Variants in ASB15 observed in about 807,000 individuals in gnomAD.
The protein encoded by ASB15 is ankyrin repeat and SOCS box protein 15.
Under a neutral mutation model 58.0 loss-of-function variants are expected in ASB15, and 54 were observed. The observed-to-expected ratio is 0.93, with a 90% CI of 0.75 to 1.17. The LOEUF (loss-of-function observed/expected upper bound fraction) is 1.17. ASB15 is among the 50% of genes most tolerant of loss of function. ASB15 has a pLI of 0.00. For synonymous variants in ASB15, 249 were observed against 262.4 expected (o/e 0.95, Z 0.50); for missense variants, 680 against 707.4 (o/e 0.96, Z 0.44).
At chr7:123,636,617 G>A (rs1718598021) in intron 11 of ASB15, among the ~76,000 whole-genome samples, 192 bp from the exon 12 acceptor site, 1 of 152,080 alleles carries the variant, frequency 6.6e-6, no homozygotes, top group African/African-American at 2.4e-5. Context: ...CTGCCCCCAT[G>A]GAGCTTACAT....
intron 2 of ASB15, among the ~76,000 whole-genome samples, chr7:123,606,032 T>C (rs1175046300): frequency 6.6e-6 from 1 of 152,170 alleles, no homozygotes; most frequent in Non-Finnish European, 1.5e-5. Flanking sequence ...TCTGGAGATA[T>C]TATTTTTATT....
intron 11 of ASB15, among the ~76,000 whole-genome samples, chr7:123,635,588 T>C (rs1802380116): frequency 6.9e-6 from 1 of 144,068 alleles, no homozygotes; most frequent in Non-Finnish European, 1.5e-5. Flanking sequence ...AATTGCTTTT[T>C]TTTTTTTTTT....
chr7:123,577,258 A>G (rs1392341770), intron 1 of ASB15, among the ~76,000 whole-genome samples: 1 of 152,038 alleles, frequency 6.6e-6, no homozygotes, highest in Non-Finnish European at 1.5e-5. Context: ...TTTGCATTTT[A>G]TTACAAAAAT....
chr7:123,629,954 CA>C lies in ASB15; in HGVS notation c.1441-10del, dbSNP rs1464646961. The C allele has an allele frequency of 6.5e-7, 1 of 1,539,350 alleles. No individual in the cohort carries two copies. On this transcript the variant is annotated splice_polypyrimidine_tract_variant and intron_variant, in intron 10 of 11. Coordinates refer to ENST00000451215, the MANE Select transcript of ASB15 (RefSeq NM_001290258.2). ...AAAATACTACTAAATTAAATTTTAT[CA>C]ATTCTCTCAGTTCTGTGAGTTTATT... is the stretch of plus-strand genomic sequence containing the variant.
At chr7:123,627,015 G>T in intron 8 of ASB15, 95 bp from the exon 9 acceptor site, 1 of 1,329,480 alleles carries the variant, frequency 7.5e-7, no homozygotes, top group East Asian at 2.3e-5. Context: ...TTACAGGTGT[G>T]AGCCACCATG....
At chr7:123,626,354 C>T (rs529056770) in intron 8 of ASB15, among the ~76,000 whole-genome samples, 1 of 152,264 alleles carries the variant, frequency 6.6e-6, no homozygotes, top group South Asian at 2.1e-4. Flanking sequence ...TGCCTGCAAT[C>T]CCAGCTACTC....
chr7:123,629,098 CCTT>C lies in ASB15; in HGVS notation c.1107_1109del (p.Leu370del). On this transcript the variant is annotated inframe_deletion, in exon 10 of 12. Coordinates refer to ENST00000451215, the MANE Select transcript of ASB15 (RefSeq NM_001290258.2). ...ATAATGACGTTCATTGCACAGAAGTCCTTCTGGCTGCAGGTGCAGACCCAAACT... is the reference window on the plus strand; with the variant it reads ...ATAATGACGTTCATTGCACAGAAGTCCTGGCTGCAGGTGCAGACCCAAACT... The C allele has an allele frequency of 1.9e-6, 3 of 1,613,858 alleles. No individual in the cohort carries two copies. Among genetic ancestry groups the C allele is most frequent in the Non-Finnish European group, 2.5e-6 (3 of 1,179,786 alleles).
At chr7:123,624,145 T>G (rs1229023019) in intron 7 of ASB15, among the ~76,000 whole-genome samples, 1 of 152,118 alleles carries the variant, frequency 6.6e-6, no homozygotes, top group East Asian at 1.9e-4. Flanking sequence ...AGGAGTGATA[T>G]AATAATAATA....
chr7:123,629,448 T>A lies in ASB15; in HGVS notation c.1440+14T>A. 1 of 1,565,664 alleles carries A rather than the reference T, an allele frequency of 6.4e-7. No homozygotes were observed. The highest frequency in any genetic ancestry group is 1.2e-5 in the South Asian group (1 of 86,612). The stretch of plus-strand genomic sequence containing the variant: ...AAAGATAACCCGGTGAGTTATGCCT[T>A]TTCTGCTTTATATTGAGTTATCATC... On this transcript the variant is annotated intron_variant, in intron 10 of 11. Transcript: ENST00000451215.
chr7:123,622,891 G>C (rs538255276), intron 7 of ASB15: 1 of 152,262 alleles, frequency 6.6e-6, no homozygotes, highest in East Asian at 1.9e-4. Flanking sequence ...ATCTCCTGCA[G>C]GGATGGCTTG....
chr7:123,603,076 T>G (rs1414753705), intron 1 of ASB15, among the ~76,000 whole-genome samples: 2 of 152,198 alleles, frequency 1.3e-5, no homozygotes, highest in Non-Finnish European at 2.9e-5. Flanking sequence ...ATAATAATTA[T>G]TAAACTCAAT....
At chr7:123,623,930 G>GGA (rs1801541262) in intron 7 of ASB15, among the ~76,000 whole-genome samples, 1 of 35,348 alleles carries the variant, frequency 2.8e-5, no homozygotes, top group Non-Finnish European at 6.4e-5. Flanking sequence ...AAGAAAGAAA[G>GGA]AAAAGAAAGA....
chr7:123,629,249 C>A lies in ASB15; in HGVS notation c.1255C>A (p.Pro419Thr). Residue 419 changes from proline to threonine, a missense_variant, in exon 10 of 12, where the codon CCC becomes ACC. Physicochemically the swap from Pro to Thr is conservative, Grantham distance 38. Transcript: ENST00000451215. Reference protein sequence around the residue: ...YFMHVNDTRFPSVIQYALNDE... With the variant: ...YFMHVNDTRFTSVIQYALNDE... Reference sequence around the variant, plus strand: ...TATGCATGTGAATGACACTCGTTTCCCCAGTGTCATTCAATATGCTCTAAA... The same window carrying A: ...TATGCATGTGAATGACACTCGTTTCACCAGTGTCATTCAATATGCTCTAAA... 6.2e-7 allele frequency: 1 copy of A among 1,613,866 alleles called. No individual in the cohort carries two copies. Among genetic ancestry groups the A allele is most frequent in the Non-Finnish European group, 8.5e-7 (1 of 1,179,828 alleles).
intron 7 of ASB15, among the ~76,000 whole-genome samples, chr7:123,620,526 A>T (rs1562933172): frequency 7.2e-5 from 1 of 13,800 alleles, no homozygotes. Flanking sequence ...ATATATATAT[A>T]TATATATATA....
intron 7 of ASB15, among the ~76,000 whole-genome samples, chr7:123,623,939 G>GGAAGAAAGAAAGA (rs1801553926): frequency 6.4e-5 from 1 of 15,604 alleles, no homozygotes; most frequent in Non-Finnish European, 1.4e-4. Flanking sequence ...AGAAAAGAAA[G>GGAAGAAAGAAAGA]AAAGAAAGAA....
In ASB15 at chr7:123,636,884, C is replaced by T. The variant is rs759111780; in HGVS notation, c.1670C>T (p.Pro557Leu). 6.2e-6 allele frequency: 10 copies of T among 1,605,644 alleles called. No individual in the cohort carries two copies. In the South Asian group the frequency reaches 8.8e-5, roughly 14 times the overall value. ...ATGGGTCTCCAGAAACTCTGCCAGC[C>T]AGCCTCAGTGGAGAAGCTTCCTCTA... ...RLMGLQKLCQ[P>L]ASVEKLPLPP... is the part of the protein sequence containing the mutation. Residue 557 changes from proline to leucine, a missense_variant, in exon 12 of 12, where the codon CCA becomes CTA. Transcript: ENST00000451215.
At chr7:123,601,176 G>A (rs1386869526), upstream of ASB15, among the ~76,000 whole-genome samples, 2 of 152,088 alleles carry the variant, frequency 1.3e-5, no homozygotes, top group East Asian at 3.8e-4. Flanking sequence ...TGGAAAATCA[G>A]TAAGACAATA....
At chr7:123,621,400 C>T (rs938683506) in intron 7 of ASB15, 1 of 152,204 alleles carries the variant, frequency 6.6e-6, no homozygotes, top group Non-Finnish European at 1.5e-5. Context: ...TTACCTTAAT[C>T]AGCACCTTTG....
intron 1 of ASB15, among the ~76,000 whole-genome samples, chr7:123,589,912 T>C (rs1309715106): frequency 2.0e-5 from 3 of 152,198 alleles, no homozygotes; most frequent in African/African-American, 2.4e-5. Flanking sequence ...TCCACAATTA[T>C]TGAACTAATT....
Sources: gnomAD v4.1 joint callset for allele counts (sites outside exome capture counted in the v4.1 genomes callset) on GRCh38, gnomAD v4.1.1 for gene constraint, MANE v1.5 for transcripts, NCBI Gene and HGNC (gene_info 2026-07-23, HGNC 2026-07-21) for gene names.